Variants in SGK1 observed in about 807,000 individuals in gnomAD.
The protein encoded by SGK1 is serum/glucocorticoid regulated kinase 1, also known as serine/threonine-protein kinase Sgk1.
SGK1 carries 26 observed loss-of-function variants against 64.2 expected under a neutral mutation model. The observed-to-expected ratio is 0.40, with a 90% CI of 0.30 to 0.56. The LOEUF is 0.56. Ranked by LOEUF, SGK1 falls within the 20% of genes least tolerant of loss-of-function variation. The probability of loss-of-function intolerance (pLI) is 0.38; values close to 1 mark genes in which losing one functional copy is unlikely to be tolerated. For synonymous variants in SGK1, 265 were observed against 239.7 expected, an observed-to-expected ratio of 1.11 and a Z score of -0.98; for missense variants, 519 against 645.6, an observed-to-expected ratio of 0.80 and a Z score of 2.12.
chr6:134,272,031 A>T lies in SGK1; in HGVS notation c.70-9883T>A, dbSNP rs918429781. ...TGAGTTTTGTATTTTTAGTAGAGAC[A>T]GGGTTTCACCATGTTGACCAGGCTG... On this transcript the variant is annotated intron_variant, in intron 1 of 13. Coordinates refer to ENST00000367858, the MANE Select transcript of SGK1 (RefSeq NM_001143676.3). Among the ~76,000 whole-genome samples, 2 of 146,798 alleles carry T rather than the reference A, an allele frequency of 1.4e-5. 1 individual carries two copies. Among genetic ancestry groups the T allele is most frequent in the Non-Finnish European group, 3.0e-5 (2 of 66,400 alleles).
intron 2 of SGK1, chr6:134,249,621 A>AT (rs2114734222): frequency 6.6e-6 from 1 of 152,182 alleles, no homozygotes; most frequent in Non-Finnish European, 1.5e-5. Context: ...GGTTGCTTGG[A>AT]TTTTCCCCCT....
chr6:134,280,070 C>G (rs1025896121), intron 1 of SGK1, among the ~76,000 whole-genome samples: 2 of 151,886 alleles, frequency 1.3e-5, no homozygotes, highest in African/African-American at 4.8e-5. Context: ...TGATGCACAC[C>G]TGTAGTCCCA....
chr6:134,303,331 G>A (rs549507759), intron 1 of SGK1, among the ~76,000 whole-genome samples: 1 of 152,108 alleles, frequency 6.6e-6, no homozygotes, highest in Non-Finnish European at 1.5e-5. Flanking sequence ...GGCGGAGCTT[G>A]CAGTGAGCCA....
intron 2 of SGK1, among the ~76,000 whole-genome samples, chr6:134,244,659 G>C (rs1406383880): frequency 1.3e-5 from 2 of 152,146 alleles, no homozygotes; most frequent in Non-Finnish European, 2.9e-5. Context: ...TGTCTAACCA[G>C]TACCAGTGAG....
intron 3 of SGK1, among the ~76,000 whole-genome samples, chr6:134,198,614 C>T (rs983909695): frequency 1.3e-5 from 2 of 151,124 alleles, no homozygotes; most frequent in African/African-American, 4.9e-5. Flanking sequence ...CATATGTTTT[C>T]AAATTATGAA....
chr6:134,260,348 C>CCCCAGTCT (rs1776745503), intron 2 of SGK1: 1 of 144,024 alleles, frequency 6.9e-6, no homozygotes, highest in Non-Finnish European at 1.5e-5. Context: ...AGACTCTGTC[C>CCCCAGTCT]CCCTGTCTCC....
chr6:134,219,873 A>C (rs1276105635), intron 2 of SGK1, among the ~76,000 whole-genome samples: 2 of 145,884 alleles, frequency 1.4e-5, no homozygotes, highest in Non-Finnish European at 3.0e-5. Context: ...TCCCGGCTAA[A>C]ACGGTGAAAC....
chr6:134,293,991 G>A (rs144383538), intron 1 of SGK1, among the ~76,000 whole-genome samples: 2 of 152,102 alleles, frequency 1.3e-5, no homozygotes, highest in East Asian at 3.9e-4. Context: ...ATGAGAAAAG[G>A]TTCACTTTTG....
Position 134,252,743 on chromosome 6 carries a change from T to C in SGK1, c.285+9190A>G, listed in dbSNP as rs943354962. Among the ~76,000 whole-genome samples, 9 of 151,626 alleles carry C rather than the reference T, an allele frequency of 5.9e-5. No individual in the cohort carries two copies. In the South Asian group the frequency reaches 1.5e-3, roughly 25 times the overall value. On this transcript the variant is annotated intron_variant, in intron 2 of 13. Coordinates refer to ENST00000367858, the MANE Select transcript of SGK1 (RefSeq NM_001143676.3). ...TTTACGTGCTTTCTCAAGGATAACA[T>C]GGTTGAAAATTTAGTGAAAAATAAG...
chr6:134,300,382 CA>C (rs1363156083), intron 1 of SGK1, among the ~76,000 whole-genome samples: 1 of 151,228 alleles, frequency 6.6e-6, no homozygotes, highest in African/African-American at 2.4e-5. Flanking sequence ...ACTAAAAATT[CA>C]AAAAAATTAG....
intron 2 of SGK1, among the ~76,000 whole-genome samples, chr6:134,234,512 T>C (rs1347919958): frequency 6.6e-6 from 1 of 152,192 alleles, no homozygotes; most frequent in Non-Finnish European, 1.5e-5. Context: ...GAGAGTATGA[T>C]GTGAAGGAGC....
rs1777658879 is a variant in SGK1 at position 134,315,076 on chromosome 6, CTTA to C, written c.69+2313_69+2315del. On this transcript the variant is annotated intron_variant, in intron 1 of 13. Coordinates refer to ENST00000367858, the MANE Select transcript of SGK1 (RefSeq NM_001143676.3). ...AGATTGGAGAGGAGGTGGGATATAC[CTTA>C]TTATTGTTTTAATGTTTTATAGATG... Among the ~76,000 whole-genome samples, 3 of 152,084 alleles carry C rather than the reference CTTA, an allele frequency of 2.0e-5. No individual in the cohort carries two copies. In the East Asian group the frequency reaches 5.8e-4, roughly 29 times the overall value.
intron 3 of SGK1, among the ~76,000 whole-genome samples, chr6:134,193,329 T>C (rs1457371195): frequency 6.6e-6 from 1 of 152,206 alleles, no homozygotes; most frequent in Non-Finnish European, 1.5e-5. Flanking sequence ...AATTTCACCA[T>C]AAGCTAATTG....
chr6:134,219,258 C>T (rs183505019), intron 2 of SGK1, among the ~76,000 whole-genome samples: 13 of 152,048 alleles, frequency 8.5e-5, no homozygotes, highest in Middle Eastern at 3.4e-3. Context: ...GTGATCCACC[C>T]GCCTTGGCCT....
chr6:134,286,035 A>G (rs896987629), intron 1 of SGK1, among the ~76,000 whole-genome samples: 5 of 152,216 alleles, frequency 3.3e-5, no homozygotes, highest in African/African-American at 1.2e-4. Flanking sequence ...TTTCTTTAGA[A>G]GTCTTATTGC....
intron 3 of SGK1, among the ~76,000 whole-genome samples, chr6:134,201,002 A>G (rs1338996195): frequency 6.6e-6 from 1 of 151,896 alleles, no homozygotes; most frequent in Non-Finnish European, 1.5e-5. Flanking sequence ...TCACTGGAAT[A>G]TATTTTCCAT....
At chr6:134,248,505 A>G (rs1409157268) in intron 2 of SGK1, among the ~76,000 whole-genome samples, 1 of 139,652 alleles carries the variant, frequency 7.2e-6, no homozygotes, top group Non-Finnish European at 1.5e-5. Context: ...AGGCTGGAGT[A>G]CAGTAGTGAA....
intron 8 of SGK1, 123 bp downstream of exon 8, chr6:134,172,900 G>T: frequency 7.8e-7 from 1 of 1,282,020 alleles, no homozygotes; most frequent in Non-Finnish European, 1.1e-6. Context: ...CTGACAGGTT[G>T]AAGGAAATGC....
In SGK1 at chr6:134,171,153, G is replaced by A. The variant is rs1207089233; in HGVS notation, c.1193C>T (p.Ala398Val). 1 of 1,614,096 alleles carries A rather than the reference G, an allele frequency of 6.2e-7. No homozygotes were observed. Among genetic ancestry groups the A allele is most frequent in the South Asian group, 1.1e-5 (1 of 91,074 alleles). Residue 398 changes from alanine (A) to valine (V), a missense_variant, in exon 12 of 14, where the codon GCT becomes GTT. Physicochemically the swap from Ala to Val is moderately conservative, Grantham distance 64 (BLOSUM62 0). Around this residue, in one of 2 missense-constraint regions of SGK1, gnomAD observed 278 missense variants for 408.7 expected, o/e 0.68. Transcript: ENST00000367858. ...GLPPFYSRNTAEMYDNILNKP... is the reference protein window; with the variant it reads ...GLPPFYSRNTVEMYDNILNKP... ...GTTCAGAATGTTGTCGTACATTTCA[G>A]CTGTGTTTCGGCTATAAAAAGGCGG...
Sources: gnomAD v4.1 joint callset for allele counts (sites outside exome capture counted in the v4.1 genomes callset) on GRCh38, gnomAD v4.1.1 for gene constraint, gnomAD v4.1.1 regional missense constraint, MANE v1.5 for transcripts, NCBI Gene and HGNC (gene_info 2026-07-23, HGNC 2026-07-21) for gene names.